Variants in MKLN1 observed in about 807,000 individuals in gnomAD.
MKLN1 encodes the protein muskelin.
In MKLN1, 18 loss-of-function variants were observed where a neutral mutation model predicts 99.0. That is an observed-to-expected ratio of 0.18 (90% confidence interval 0.13 to 0.27). The LOEUF (loss-of-function observed/expected upper bound fraction) is 0.27, where lower values mean the gene tolerates loss of function less well. MKLN1 is among the 10% of genes least tolerant of loss of function. The pLI, the probability that MKLN1 is intolerant of heterozygous loss-of-function variation, is 1.00. For missense variants in MKLN1, 621 were observed against 875.9 expected, an observed-to-expected ratio of 0.71 and a Z score of 3.67; for synonymous variants, 288 against 293.2, an observed-to-expected ratio of 0.98 and a Z score of 0.18.
At chr7:131,470,274 C>T (rs531262478) in intron 15 of MKLN1, among the ~76,000 whole-genome samples, 2 of 152,246 alleles carry the variant, frequency 1.3e-5, no homozygotes, top group South Asian at 4.1e-4. Context: ...CAATGTCTAG[C>T]ATATTACAAA....
chr7:131,289,027 G>A (rs1271962398), intron 3 of MKLN1, among the ~76,000 whole-genome samples: 3 of 152,090 alleles, frequency 2.0e-5, no homozygotes, highest in Non-Finnish European at 4.4e-5. Context: ...GTCTCACTGT[G>A]TTGCCCAGGC....
intron 8 of MKLN1, among the ~76,000 whole-genome samples, chr7:131,428,522 CT>C (rs886826825): frequency 6.6e-6 from 1 of 152,072 alleles, no homozygotes; most frequent in African/African-American, 2.4e-5. Context: ...TTTAATATGA[CT>C]TTTTTCAAAA....
At chr7:131,124,438 C>T (rs561523421) in intron 1 of MKLN1, among the ~76,000 whole-genome samples, 4 of 152,198 alleles carry the variant, frequency 2.6e-5, no homozygotes, top group Non-Finnish European at 5.9e-5. Context: ...CTTTTGTCTT[C>T]TCTAGCAACC....
intron 1 of MKLN1, among the ~76,000 whole-genome samples, chr7:131,123,151 C>T (rs1795402363): frequency 6.6e-6 from 1 of 151,532 alleles, no homozygotes; most frequent in Admixed American, 6.6e-5. Flanking sequence ...AGAGAGTGTC[C>T]TTGAACTGGA....
At chr7:131,192,047 T>TATAC (rs1391986870) in intron 2 of MKLN1, among the ~76,000 whole-genome samples, 26 of 126,998 alleles carry the variant, frequency 2.0e-4, no homozygotes, top group Middle Eastern at 3.8e-3. Flanking sequence ...TGTGTGTATA[T>TATAC]GTATACATGT....
intron 12 of MKLN1, among the ~76,000 whole-genome samples, chr7:131,459,941 C>T (rs188872456): frequency 7.9e-5 from 12 of 152,180 alleles, no homozygotes; most frequent in African/African-American, 2.6e-4. Flanking sequence ...TAACTTTTCC[C>T]TCATAATTTC....
At chr7:131,181,956 G>A (rs528583607) in intron 2 of MKLN1, among the ~76,000 whole-genome samples, 23 of 152,012 alleles carry the variant, frequency 1.5e-4, no homozygotes, top group East Asian at 7.7e-4. Flanking sequence ...CACCACACCC[G>A]GCCCCCATCC....
chr7:131,155,338 C>A (rs1292612707), intron 2 of MKLN1, among the ~76,000 whole-genome samples: 1 of 152,126 alleles, frequency 6.6e-6, no homozygotes, highest in Non-Finnish European at 1.5e-5. Context: ...AGGAAGCAAT[C>A]CACAAAGATT....
chr7:131,453,341 A>T (rs545551895), intron 12 of MKLN1, among the ~76,000 whole-genome samples: 1 of 152,364 alleles, frequency 6.6e-6, no homozygotes, highest in East Asian at 1.9e-4. Context: ...AATAGAGCAG[A>T]TAGTATAAAA....
At chr7:131,346,383 G>A (rs1456382036) in intron 1 of MKLN1, among the ~76,000 whole-genome samples, 2 of 152,028 alleles carry the variant, frequency 1.3e-5, no homozygotes, top group African/African-American at 2.4e-5. Context: ...TTAGCTGGGC[G>A]TGATGGTGCA....
At chr7:131,418,369 C>CAAAAAAAAAAAAAAAAAA (rs943898750) in intron 8 of MKLN1, among the ~76,000 whole-genome samples, 1 of 54,784 alleles carries the variant, frequency 1.8e-5, no homozygotes. Flanking sequence ...GACTTCGTCT[C>CAAAAAAAAAAAAAAAAAA]AAAAAAAAAA....
chr7:131,418,261 C>T (rs570144372), intron 8 of MKLN1, among the ~76,000 whole-genome samples: 59 of 148,828 alleles, frequency 4.0e-4, no homozygotes, highest in African/African-American at 1.4e-3. Flanking sequence ...CCCAGCTACT[C>T]GGGGGGCCGA....
At chr7:131,235,706 G>C (rs558553131) in intron 3 of MKLN1, among the ~76,000 whole-genome samples, 1 of 152,250 alleles carries the variant, frequency 6.6e-6, no homozygotes, top group African/African-American at 2.4e-5. Context: ...TTTCAGTTCC[G>C]GTATTTCTGT....
At chr7:131,319,623 G>C (rs35896581) in intron 3 of MKLN1, among the ~76,000 whole-genome samples, 39,781 of 151,984 alleles carry the variant, frequency 0.26, 5,315 homozygotes, top group South Asian at 0.33. Context: ...AGAAATAAAG[G>C]GTATTCAAAT....
intron 3 of MKLN1, among the ~76,000 whole-genome samples, chr7:131,231,359 CT>C (rs757556843): frequency 1.5e-4 from 23 of 152,192 alleles, no homozygotes; most frequent in African/African-American, 4.8e-4. Flanking sequence ...TTTCTTCCCC[CT>C]GTGTATCACT....
chr7:131,422,566 T>TA (rs1465301294), intron 8 of MKLN1, among the ~76,000 whole-genome samples: 2 of 152,048 alleles, frequency 1.3e-5, no homozygotes, highest in Non-Finnish European at 2.9e-5. Flanking sequence ...GAAATTGTTT[T>TA]AAAAAAAGAA....
At chr7:131,203,342 T>G (rs1352059407) in intron 3 of MKLN1, among the ~76,000 whole-genome samples, 2 of 152,208 alleles carry the variant, frequency 1.3e-5, no homozygotes, top group African/African-American at 4.8e-5. Flanking sequence ...AGGCCCTTCA[T>G]GATCTAAGTA....
At chr7:131,314,297 C>T (rs1295831359) in intron 3 of MKLN1, among the ~76,000 whole-genome samples, 3 of 152,170 alleles carry the variant, frequency 2.0e-5, no homozygotes, top group African/African-American at 7.2e-5. Context: ...ACAGAAGACC[C>T]CAGAAAGGGA....
At chr7:131,412,162 G>T (rs1221404719) in intron 7 of MKLN1, among the ~76,000 whole-genome samples, 1 of 152,046 alleles carries the variant, frequency 6.6e-6, no homozygotes, top group Non-Finnish European at 1.5e-5. Flanking sequence ...CCTTAACTAG[G>T]TGGCACAATT....
Sources: gnomAD v4.1 joint callset for allele counts (sites outside exome capture counted in the v4.1 genomes callset) on GRCh38, gnomAD v4.1.1 for gene constraint, MANE v1.5 for transcripts, NCBI Gene and HGNC (gene_info 2026-07-23, HGNC 2026-07-21) for gene names.